KIRREL3: variants seen among roughly 807,000 people sequenced by gnomAD.
KIRREL3 encodes the protein kin of IRRE-like protein 3.
KIRREL3 carries 36 observed loss-of-function variants against 89.7 expected under a neutral mutation model. That is an observed-to-expected ratio of 0.40 (90% CI 0.31 to 0.53). The LOEUF (loss-of-function observed/expected upper bound fraction) is 0.53, where lower values mean the gene tolerates loss of function less well. KIRREL3 is among the 20% of genes least tolerant of loss of function. The probability of loss-of-function intolerance (pLI) is 0.49; values close to 1 mark genes in which losing one functional copy is unlikely to be tolerated. For missense variants in KIRREL3, 864 were observed against 1,056.6 expected (o/e 0.82, Z 2.53); for synonymous variants, 445 against 441.4 (o/e 1.01, Z -0.10).
At chr11:126,646,029 G>C (rs1349644365) in intron 1 of KIRREL3, among the ~76,000 whole-genome samples, 1 of 152,182 alleles carries the variant, frequency 6.6e-6, no homozygotes, top group East Asian at 1.9e-4. Context: ...GTTACCACCA[G>C]AGACGTTTTC....
rs75077259 is a variant in KIRREL3 at position 126,990,669 on chromosome 11, C to G, written c.55+9786G>C. On this transcript the variant is annotated intron_variant, in intron 1 of 16. Coordinates refer to ENST00000525144, the MANE Select transcript of KIRREL3 (RefSeq NM_032531.4). This position sits in a 1 kb window ranked among gnomAD's most constrained non-coding sequence, Gnocchi z 6.3. ...CTCCTCTCTGCCTCCGCAGTTGCCC[C>G]TCACTCAGGTGCAGCTTCCTATGTA... Among the ~76,000 whole-genome samples, 1,627 of 152,320 alleles carry G rather than the reference C, an allele frequency of 0.011. 48 individuals carry two copies. The East Asian group carries it at 0.12, about 11-fold the overall frequency.
At chr11:126,444,512 C>T (rs1955712069) in intron 10 of KIRREL3, among the ~76,000 whole-genome samples, 1 of 152,220 alleles carries the variant, frequency 6.6e-6, no homozygotes, top group South Asian at 2.1e-4. Context: ...GTAGTCCCAG[C>T]TACTCAGGAA....
rs375449283 is a variant in KIRREL3, at chr11:126,627,948, G to T, written c.56-65036C>A. Among the ~76,000 whole-genome samples the T allele has an allele frequency of 2.0e-5, 3 of 152,202 alleles. No individual in the cohort carries two copies. Among genetic ancestry groups the T allele is most frequent in the Non-Finnish European group, 4.4e-5 (3 of 68,042 alleles). ...TCTTCATTCTGTCTCTCCCACCACC[G>T]AGCAAGGCTCGGTCTCCTGGTTTGA... On this transcript the variant is annotated intron_variant, in intron 1 of 16. Coordinates refer to ENST00000525144, the MANE Select transcript of KIRREL3 (RefSeq NM_032531.4). This position sits in a 1 kb window ranked among gnomAD's most constrained non-coding sequence, Gnocchi z 5.0.
rs1436802640 is a variant in KIRREL3 at position 126,802,758 on chromosome 11, A to T, written c.55+197697T>A. ...CAATCTTTCTTAAATGTATGTATAG[A>T]TCTTTTTCAAAATGCTTAACATTAC... On this transcript the variant is annotated intron_variant, in intron 1 of 16. Coordinates refer to ENST00000525144, the MANE Select transcript of KIRREL3 (RefSeq NM_032531.4). The surrounding 1 kb of genome is among the most constrained non-coding windows in gnomAD (Gnocchi z 5.2). Among the ~76,000 whole-genome samples, 1 of 152,200 alleles carries T rather than the reference A, an allele frequency of 6.6e-6. No individual in the cohort carries two copies. Among genetic ancestry groups the T allele is most frequent in the Admixed American group, 6.5e-5 (1 of 15,282 alleles).
chr11:126,530,922 C>T lies in KIRREL3; in HGVS notation c.134-4235G>A, dbSNP rs563883200. Among the ~76,000 whole-genome samples, 30 of 152,154 alleles carry T rather than the reference C, an allele frequency of 2.0e-4. No individual in the cohort carries two copies. Among genetic ancestry groups the T allele is most frequent in the Middle Eastern group, 3.4e-3 (1 of 294 alleles). On this transcript the variant is annotated intron_variant, in intron 2 of 16. Transcript: ENST00000525144. The surrounding 1 kb of genome is among the most constrained non-coding windows in gnomAD (Gnocchi z 5.8). ...CTCCGCTCATTGCAACCTTTGCCTC[C>T]CGGGTTCAAGCGATTCTTCTGCCTC...
intron 1 of KIRREL3, among the ~76,000 whole-genome samples, chr11:126,699,050 G>A (rs1315828022): frequency 6.6e-6 from 1 of 152,184 alleles, no homozygotes; most frequent in African/African-American, 2.4e-5. Flanking sequence ...TGGGTCCTAA[G>A]TAGTTACTGG....
rs1476093959 is a variant in KIRREL3, at chr11:126,768,900, A to G, written c.56-205988T>C. ...TGGCAAGAAGGCGATGTTGCTTCCC[A>G]CATGCGTGGGAGCCGGTGAAGTGTT... is the stretch of plus-strand genomic sequence containing the variant. On this transcript the variant is annotated intron_variant, in intron 1 of 16. Transcript: ENST00000525144. The surrounding 1 kb of genome is among the most constrained non-coding windows in gnomAD (Gnocchi z 4.5). Among the ~76,000 whole-genome samples the G allele has an allele frequency of 6.6e-6, 1 of 152,216 alleles. No homozygotes were observed. Among genetic ancestry groups the G allele is most frequent in the Non-Finnish European group, 1.5e-5 (1 of 68,030 alleles).
At chr11:126,770,204 G>T (rs549137023) in intron 1 of KIRREL3, among the ~76,000 whole-genome samples, 1 of 152,242 alleles carries the variant, frequency 6.6e-6, no homozygotes, top group African/African-American at 2.4e-5. Flanking sequence ...ACCTCCCCTT[G>T]CTTCTTCAGT....
chr11:126,827,957 T>A (rs1331265278), intron 1 of KIRREL3, among the ~76,000 whole-genome samples: 1 of 152,132 alleles, frequency 6.6e-6, no homozygotes, highest in African/African-American at 2.4e-5. Context: ...TTGGATCCAA[T>A]CTTAGTGGAT....
In KIRREL3 at chr11:126,564,597, C is replaced by T. The variant is rs559047293; in HGVS notation, c.56-1685G>A. 7.9e-5 allele frequency among the ~76,000 whole-genome samples: 12 copies of T among 152,340 alleles called. No individual in the cohort carries two copies. The highest frequency in any genetic ancestry group is 2.4e-4 in the African/African-American group (10 of 41,586). On this transcript the variant is annotated intron_variant, in intron 1 of 16. Coordinates refer to ENST00000525144, the MANE Select transcript of KIRREL3 (RefSeq NM_032531.4). This position sits in a 1 kb window ranked among gnomAD's most constrained non-coding sequence, Gnocchi z 7.4. ...TTAGCCAAACCGCCCTCACTTCAAA[C>T]GGTCTTACATCTCAGGCACCCAAAT...
At chr11:126,825,297 C>T (rs1029920705) in intron 1 of KIRREL3, among the ~76,000 whole-genome samples, 6 of 152,078 alleles carry the variant, frequency 3.9e-5, no homozygotes, top group South Asian at 2.1e-4. Flanking sequence ...GACGCTATGA[C>T]CCCCTTCTCA....
At chr11:126,882,100 G>C (rs1945527281) in intron 1 of KIRREL3, among the ~76,000 whole-genome samples, 1 of 152,124 alleles carries the variant, frequency 6.6e-6, no homozygotes, top group South Asian at 2.1e-4. Flanking sequence ...GAACATCTAG[G>C]AAATGAGCAG....
chr11:126,502,720 C>G (rs1162846008), intron 4 of KIRREL3, among the ~76,000 whole-genome samples: 1 of 152,262 alleles, frequency 6.6e-6, no homozygotes, highest in African/African-American at 2.4e-5. Flanking sequence ...CCTCTTGCTT[C>G]TCTAAGCCCA....
rs1225490048 is a variant in KIRREL3, at chr11:126,551,365, T to C, written c.133+11470A>G. On this transcript the variant is annotated intron_variant, in intron 2 of 16. Transcript: ENST00000525144. This position sits in a 1 kb window ranked among gnomAD's most constrained non-coding sequence, Gnocchi z 4.9. ...AGGGGAAAGGAGGGCCGGAGAGAGA[T>C]CCTGTTTCCCGAGGCCTGCCCCTGA... is the stretch of plus-strand genomic sequence containing the variant. Among the ~76,000 whole-genome samples, 1 of 152,052 alleles carries C rather than the reference T, an allele frequency of 6.6e-6. No homozygotes were observed. Among genetic ancestry groups the C allele is most frequent in the Non-Finnish European group, 1.5e-5 (1 of 68,018 alleles).
At chr11:126,433,568 A>G (rs1425174838) in intron 13 of KIRREL3, among the ~76,000 whole-genome samples, 2 of 152,108 alleles carry the variant, frequency 1.3e-5, no homozygotes, top group African/African-American at 4.8e-5. Context: ...GACCAAGAGG[A>G]GGTGGAATGG....
chr11:126,725,938 T>A (rs190251257), intron 1 of KIRREL3, among the ~76,000 whole-genome samples: 11 of 152,346 alleles, frequency 7.2e-5, no homozygotes, highest in African/African-American at 2.6e-4. Flanking sequence ...TCTGGTGATG[T>A]AAGTTTTCCA....
intron 4 of KIRREL3, among the ~76,000 whole-genome samples, chr11:126,500,600 C>T (rs560222498): frequency 1.1e-3 from 166 of 152,012 alleles, no homozygotes; most frequent in Non-Finnish European, 1.6e-3. Flanking sequence ...ATTAGCTGGG[C>T]GTGGTGGCGG....
In KIRREL3 at chr11:126,615,562, G is replaced by C. The variant is rs895095287; in HGVS notation, c.56-52650C>G. The stretch of plus-strand genomic sequence containing the variant: ...CCATCCTGCCCACCAGGATCCTGGA[G>C]GTATTCAAGCTGAAGATAGACAACC... On this transcript the variant is annotated intron_variant, in intron 1 of 16. Coordinates refer to ENST00000525144, the MANE Select transcript of KIRREL3 (RefSeq NM_032531.4). The surrounding 1 kb of genome is among the most constrained non-coding windows in gnomAD (Gnocchi z 5.4). 6.6e-6 allele frequency among the ~76,000 whole-genome samples: 1 copy of C among 152,118 alleles called. No homozygotes were observed. The highest frequency in any genetic ancestry group is 1.5e-5 in the Non-Finnish European group (1 of 68,022).
intron 1 of KIRREL3, chr11:126,936,429 A>G (rs897802710): frequency 3.9e-5 from 6 of 152,210 alleles, no homozygotes; most frequent in Non-Finnish European, 8.8e-5. Context: ...ACACAAAGAC[A>G]TGTACACAAG....
Sources: allele counts gnomAD v4.1 joint callset (sites outside exome capture counted in the v4.1 genomes callset), GRCh38; gene constraint gnomAD v4.1.1; non-coding constraint Gnocchi (gnomAD v3.1); transcripts MANE v1.5; gene names NCBI Gene and HGNC (gene_info 2026-07-23, HGNC 2026-07-21).